Variants in PVALB observed in about 807,000 individuals in gnomAD.
PVALB encodes parvalbumin alpha.
In PVALB, 11 loss-of-function variants were observed where a neutral mutation model predicts 10.9. That is an observed-to-expected ratio of 1.01 (90% CI 0.63 to 1.67). The LOEUF is 1.67. Ranked by LOEUF, PVALB falls within the 40% of genes most tolerant of loss-of-function variation. The pLI, the probability that PVALB is intolerant of heterozygous loss-of-function variation, is 0.00. For synonymous variants in PVALB, 57 were observed against 50.7 expected, an observed-to-expected ratio of 1.12 and a Z score of -0.53; for missense variants, 131 against 136.2, an observed-to-expected ratio of 0.96 and a Z score of 0.19.
At chr22:36,816,877 C>G (rs963937184) in intron 1 of PVALB, 68 bp downstream of exon 1, 2 of 1,374,222 alleles carry the variant, frequency 1.5e-6, no homozygotes, top group South Asian at 2.5e-5. Context: ...GCTGCGGGGC[C>G]GGCGGAGTGC....
chr22:36,813,733 G>C lies in PVALB; in HGVS notation c.217C>G (p.Pro73Ala), dbSNP rs1246355506. Residue 73 changes from proline (P) to alanine (A), a missense_variant, in exon 3 of 4, where the codon CCA becomes GCA. Transcript: ENST00000417718. ...ELGFILKGFS[P>A]DARDLSAKET... ...TTAGCAGACAGGTCTCTGGCATCTG[G>C]GGAGAAGCCTTTTAGGATGAATCTG... 6.2e-7 allele frequency: 1 copy of C among 1,613,632 alleles called. No individual in the cohort carries two copies. Among genetic ancestry groups the C allele is most frequent in the East Asian group, 2.2e-5 (1 of 44,872 alleles).
chr22:36,803,745 A>T (rs1485653327), intron 3 of PVALB, among the ~76,000 whole-genome samples: 1 of 152,008 alleles, frequency 6.6e-6, no homozygotes, highest in Non-Finnish European at 1.5e-5. Context: ...GGGATAGCTC[A>T]CGAGTCCTTC....
In PVALB at chr22:36,813,642, C is replaced by T. The variant is rs1347371967; in HGVS notation, c.304+4G>A. 6.2e-7 allele frequency: 1 copy of T among 1,609,968 alleles called. No individual in the cohort carries two copies. The highest frequency in any genetic ancestry group is 1.3e-5 in the African/African-American group (1 of 74,824). On this transcript the variant is annotated splice_donor_region_variant and intron_variant, in intron 3 of 3. Coordinates refer to ENST00000417718, the MANE Select transcript of PVALB (RefSeq NM_001315532.2). ...TGCCCAGACCCCAGGTCACGGCTAC[C>T]CACCGTCAACCCCAATTTTGCCGTC...
At chr22:36,806,787 G>A (rs736720) in intron 3 of PVALB, among the ~76,000 whole-genome samples, 57,412 of 151,864 alleles carry the variant, frequency 0.38, 11,141 homozygotes, top group Non-Finnish European at 0.43. Flanking sequence ...CATCCTCGTC[G>A]GCTCTCTTAT....
At chr22:36,814,143 C>G (rs1939092999) in intron 2 of PVALB, among the ~76,000 whole-genome samples, 1 of 152,084 alleles carries the variant, frequency 6.6e-6, no homozygotes, top group Non-Finnish European at 1.5e-5. Flanking sequence ...AGAGACCACA[C>G]AGTGTGATGG....
At chr22:36,814,060 A>T (rs1004529778) in intron 2 of PVALB, among the ~76,000 whole-genome samples, 1 of 152,204 alleles carries the variant, frequency 6.6e-6, no homozygotes, top group African/African-American at 2.4e-5. Context: ...TGTCTGGCGT[A>T]TGCTGGAAAG....
At chr22:36,809,500 C>T (rs1368881660) in intron 3 of PVALB, among the ~76,000 whole-genome samples, 1 of 152,178 alleles carries the variant, frequency 6.6e-6, no homozygotes, top group Admixed American at 6.5e-5. Context: ...TGCTTCGGAG[C>T]TCAAAAGACC....
intron 3 of PVALB, among the ~76,000 whole-genome samples, chr22:36,803,123 G>A (rs1338648346): frequency 6.6e-6 from 1 of 152,168 alleles, no homozygotes; most frequent in Non-Finnish European, 1.5e-5. Context: ...CTCCATGGGA[G>A]AGACACCTTT....
chr22:36,803,092 C>T (rs183218019), intron 3 of PVALB, among the ~76,000 whole-genome samples: 8 of 152,306 alleles, frequency 5.3e-5, no homozygotes, highest in African/African-American at 1.4e-4. Flanking sequence ...CATATATTAT[C>T]TCATTGAATC....
intron 3 of PVALB, among the ~76,000 whole-genome samples, chr22:36,802,310 A>G (rs1171580074): frequency 6.6e-6 from 1 of 152,074 alleles, no homozygotes; most frequent in Non-Finnish European, 1.5e-5. Flanking sequence ...TGTAGAAATA[A>G]CCTGGCACTG....
At chr22:36,814,119 T>A (rs1430283100) in intron 2 of PVALB, among the ~76,000 whole-genome samples, 1 of 151,578 alleles carries the variant, frequency 6.6e-6, no homozygotes, top group Non-Finnish European at 1.5e-5. Flanking sequence ...AATAAGGAGG[T>A]CACGGGCTCC....
chr22:36,802,603 CAA>C (rs60843863), intron 3 of PVALB, among the ~76,000 whole-genome samples: 4 of 27,794 alleles, frequency 1.4e-4, no homozygotes, highest in Admixed American at 4.2e-4. Flanking sequence ...CCATCTCACA[CAA>C]AAAAAAAAAA....
At chr22:36,818,820 C>T (rs531251893), upstream of PVALB, 3 of 152,412 alleles carry the variant, frequency 2.0e-5, no homozygotes, top group Non-Finnish European at 4.4e-5. Flanking sequence ...TGGACTCACT[C>T]GTGTGGAGTT....
chr22:36,803,368 C>T (rs184398142), intron 3 of PVALB, among the ~76,000 whole-genome samples: 67 of 152,266 alleles, frequency 4.4e-4, no homozygotes, highest in African/African-American at 1.5e-3. Context: ...CTTATTTATG[C>T]ACTTATTTTT....
chr22:36,813,374 A>C, intron 3 of PVALB: 1 of 417,936 alleles, frequency 2.4e-6, no homozygotes, highest in Non-Finnish European at 4.3e-6. Flanking sequence ...TTCAGGAAAA[A>C]AAAATCCCAA....
Position 36,815,248 on chromosome 22 carries a change from G to A in PVALB, c.62-13C>T, listed in dbSNP as rs763892745. The stretch of plus-strand genomic sequence containing the variant: ...AAGGAGTCGGTAGCTGTGGGGGGAA[G>A]AGCAGGGTCAAACAAGGACCAGAAA... On this transcript the variant is annotated splice_polypyrimidine_tract_variant and intron_variant, in intron 1 of 3. Transcript: ENST00000417718. 18 of 1,614,002 alleles carry A rather than the reference G, an allele frequency of 1.1e-5. No homozygotes were observed. The highest frequency in any genetic ancestry group is 1.7e-5 in the Admixed American group (1 of 60,012).
chr22:36,814,756 C>G (rs2145954080), intron 2 of PVALB, among the ~76,000 whole-genome samples: 1 of 152,274 alleles, frequency 6.6e-6, no homozygotes, highest in African/African-American at 2.4e-5. Flanking sequence ...ATGAAATACT[C>G]AAGTGAATGC....
At chr22:36,818,534 C>T (rs1939187822), upstream of PVALB, 1 of 152,812 alleles carries the variant, frequency 6.5e-6, no homozygotes, top group Non-Finnish European at 1.5e-5. Flanking sequence ...TGCCTCTCAG[C>T]TCCAGGACTT....
At chr22:36,805,707 A>G (rs1040844870) in intron 3 of PVALB, among the ~76,000 whole-genome samples, 2 of 152,240 alleles carry the variant, frequency 1.3e-5, no homozygotes, top group African/African-American at 4.8e-5. Flanking sequence ...GATGGCTATT[A>G]GAAAGACCAG....
Sources: gnomAD v4.1 joint callset for allele counts (sites outside exome capture counted in the v4.1 genomes callset) on GRCh38, gnomAD v4.1.1 for gene constraint, MANE v1.5 for transcripts, NCBI Gene and HGNC (gene_info 2026-07-23, HGNC 2026-07-21) for gene names.